FXR1: variants seen among roughly 807,000 people sequenced by gnomAD.
FXR1 encodes FMR1 autosomal homolog 1, also known as RNA-binding protein FXR1.
Under a neutral mutation model 84.0 loss-of-function variants are expected in FXR1, and 15 were observed. That is an observed-to-expected ratio of 0.18 (90% confidence interval 0.12 to 0.27). The LOEUF (loss-of-function observed/expected upper bound fraction) is 0.27. Among genes scored for constraint, FXR1 ranks in the 10% least tolerant of loss-of-function variants. The pLI is 1.00. For missense variants in FXR1, 480 were observed against 774.4 expected (o/e 0.62, Z 4.51); for synonymous variants, 245 against 250.7 (o/e 0.98, Z 0.21).
chr3:180,920,576 A>G (rs969177990), intron 1 of FXR1, among the ~76,000 whole-genome samples: 10 of 151,226 alleles, frequency 6.6e-5, no homozygotes, highest in African/African-American at 1.2e-4. Context: ...CAGTGGCACA[A>G]TCTTGGCTCA....
chr3:180,933,947 T>C (rs779096339), intron 2 of FXR1, among the ~76,000 whole-genome samples: 1 of 151,066 alleles, frequency 6.6e-6, no homozygotes, highest in Non-Finnish European at 1.5e-5. Flanking sequence ...CTGTCTCTAC[T>C]AAAAAATACA....
chr3:180,935,609 A>C (rs1184168007), intron 3 of FXR1, among the ~76,000 whole-genome samples: 1 of 152,222 alleles, frequency 6.6e-6, no homozygotes, highest in Middle Eastern at 3.2e-3. Context: ...AGGTGTTAAT[A>C]GTTATTTTAC....
chr3:180,940,908 C>T (rs751234574), intron 3 of FXR1, among the ~76,000 whole-genome samples: 2 of 152,128 alleles, frequency 1.3e-5, no homozygotes, highest in Non-Finnish European at 2.9e-5. Flanking sequence ...TTCTTCCTTG[C>T]ATTTAGCATA....
intron 9 of FXR1, among the ~76,000 whole-genome samples, chr3:180,955,609 A>T (rs1722672197): frequency 6.6e-6 from 1 of 152,210 alleles, no homozygotes; most frequent in Non-Finnish European, 1.5e-5. Flanking sequence ...CAGTACTAAC[A>T]TTGTGGTAGC....
At chr3:180,962,862 T>G in intron 11 of FXR1, 21 bp from the exon 12 acceptor site, 1 of 1,530,588 alleles carries the variant, frequency 6.5e-7, no homozygotes, top group Non-Finnish European at 9.0e-7. Flanking sequence ...GAAGACTTAC[T>G]CTTTTTTGTT....
chr3:180,953,679 CTT>C (rs1401709196), intron 8 of FXR1, 81 bp from the exon 9 acceptor site: 1 of 699,156 alleles, frequency 1.4e-6, no homozygotes, highest in African/African-American at 1.8e-5. Context: ...AGAATTTTCT[CTT>C]TTCTCATCTT....
chr3:180,917,947 CAAAAAA>C (rs757826092), intron 1 of FXR1, among the ~76,000 whole-genome samples: 5 of 61,000 alleles, frequency 8.2e-5, no homozygotes, highest in Admixed American at 4.3e-4. Flanking sequence ...ACTCTGTCTC[CAAAAAA>C]AAAAAAAAAA....
chr3:180,981,578 C>T lies in FXR1; in HGVS notation c.*5286C>T, dbSNP rs547353776. 2.0e-5 allele frequency: 3 copies of T among 152,158 alleles called. No individual in the cohort carries two copies. Among genetic ancestry groups the T allele is most frequent in the East Asian group, 3.9e-4 (2 of 5,170 alleles). The allele number at this position is 152,158 out of a possible 1,614,324, so 9.4% of individuals were successfully genotyped here. A position where few individuals can be genotyped will look rare whatever the true frequency, so the allele number is the denominator to read the frequency against. ...GCAAGGGAAGAGGCTAAGTGACTCA[C>T]AAAAATCTCTGATATTGAGGTCTAA... On this transcript the variant is annotated 3_prime_UTR_variant, in exon 17 of 17. Coordinates refer to ENST00000357559, the MANE Select transcript of FXR1 (RefSeq NM_005087.4).
chr3:180,957,603 G>A (rs1473266500), intron 9 of FXR1: 3 of 418,290 alleles, frequency 7.2e-6, no homozygotes, highest in Non-Finnish European at 1.3e-5. Flanking sequence ...GTCAGTCCCA[G>A]TTAGTAACCT....
At position 180,969,002 on chromosome 3, in the gene FXR1, T is replaced by TA. The variant is rs202008795; in HGVS notation, c.1402+749dup. On this transcript the variant is annotated intron_variant, in intron 14 of 16. Coordinates refer to ENST00000357559, the MANE Select transcript of FXR1 (RefSeq NM_005087.4). ...GAAACCCGCACCTTCCTTAATGTTA[T>TA]ACCCATGAAAACTTATGTAGTATTT... Among the ~76,000 whole-genome samples the TA allele has an allele frequency of 7.2e-5, 11 of 152,352 alleles. No individual in the cohort carries two copies. In the East Asian group the frequency reaches 2.1e-3, roughly 29 times the overall value.
intron 1 of FXR1, among the ~76,000 whole-genome samples, chr3:180,917,983 C>T (rs1387176682): frequency 6.8e-6 from 1 of 147,428 alleles, no homozygotes; most frequent in African/African-American, 2.5e-5. Flanking sequence ...AATTTAAATG[C>T]ATATATTTCT....
intron 3 of FXR1, among the ~76,000 whole-genome samples, chr3:180,945,447 C>T (rs1231521743): frequency 6.6e-6 from 1 of 152,158 alleles, no homozygotes; most frequent in African/African-American, 2.4e-5. Context: ...TTCTGTCACC[C>T]AGGGTTGAGT....
At chr3:180,921,818 T>TA (rs1388056192) in intron 1 of FXR1, among the ~76,000 whole-genome samples, 3 of 152,182 alleles carry the variant, frequency 2.0e-5, no homozygotes, top group African/African-American at 7.2e-5. Flanking sequence ...TATAAAAACT[T>TA]AGTCTGTTGT....
intron 9 of FXR1, 142 bp from the exon 10 acceptor site, chr3:180,957,677 C>T (rs1203678051): frequency 1.5e-5 from 8 of 537,234 alleles, no homozygotes; most frequent in South Asian, 2.9e-5. Context: ...GTCTGTAGGG[C>T]GAGTTAATTG....
At chr3:180,971,114 G>T (rs1052955587) in intron 15 of FXR1, 1 of 1,276,406 alleles carries the variant, frequency 7.8e-7, no homozygotes, top group Admixed American at 2.4e-5. Context: ...AATCGTAGCC[G>T]CAGGCGTCGC....
chr3:180,970,413 TATATATA>T (rs1364143208), intron 15 of FXR1, 55 bp downstream of exon 15: 10 of 294,254 alleles, frequency 3.4e-5, no homozygotes, highest in Non-Finnish European at 4.9e-5. Flanking sequence ...TATATATATA[TATATATA>T]TAATTGTAAA....
intron 15 of FXR1, 45 bp downstream of exon 15, chr3:180,970,403 T>C (rs755210572): frequency 1.0e-5 from 3 of 287,448 alleles, no homozygotes. Flanking sequence ...TATATATATA[T>C]ATATATATAT....
chr3:180,916,568 C>T (rs1042981122), intron 1 of FXR1, among the ~76,000 whole-genome samples: 25 of 152,120 alleles, frequency 1.6e-4, no homozygotes, highest in East Asian at 1.4e-3. Flanking sequence ...CTAACATGGC[C>T]GGCTAATTTT....
rs1719029763 is a variant in FXR1 at position 180,925,231 on chromosome 3, C to G, written c.52-8103C>G. The stretch of plus-strand genomic sequence containing the variant: ...AAAAAGTTAGCCGGGCATGGTGGCA[C>G]GTGCCTCTAGTCCCAGCTACTCGGA... On this transcript the variant is annotated intron_variant, in intron 1 of 16. Coordinates refer to ENST00000357559, the MANE Select transcript of FXR1 (RefSeq NM_005087.4). Among the ~76,000 whole-genome samples the G allele has an allele frequency of 6.6e-5, 10 of 151,910 alleles. No homozygotes were observed. In the South Asian group the frequency reaches 2.1e-3, roughly 31 times the overall value.
Sources: gnomAD v4.1 joint callset for allele counts (sites outside exome capture counted in the v4.1 genomes callset) on GRCh38, gnomAD v4.1.1 for gene constraint, MANE v1.5 for transcripts, NCBI Gene and HGNC (gene_info 2026-07-23, HGNC 2026-07-21) for gene names.